PCSK5: variants seen among roughly 807,000 people sequenced by gnomAD.
The protein encoded by PCSK5 is proprotein convertase subtilisin/kexin type 5, also known as prohormone convertase 5.
PCSK5 carries 129 observed loss-of-function variants against 233.2 expected under a neutral mutation model. The observed-to-expected ratio is 0.55, with a 90% confidence interval of 0.48 to 0.64. The LOEUF is 0.64. Among genes scored for constraint, PCSK5 ranks in the 30% least tolerant of loss-of-function variants. The pLI is 0.00. For missense variants in PCSK5, 2,076 were observed against 2,430.1 expected (o/e 0.85, Z 3.06); for synonymous variants, 825 against 879.2 (o/e 0.94, Z 1.09).
chr9:76,060,993 T>TA (rs1266393943), intron 5 of PCSK5, among the ~76,000 whole-genome samples: 41 of 152,262 alleles, frequency 2.7e-4, no homozygotes, highest in African/African-American at 9.1e-4. Context: ...TATTTGAAAG[T>TA]AAAAAATGTG....
chr9:76,300,047 T>A (rs552983868), intron 27 of PCSK5, among the ~76,000 whole-genome samples: 1 of 152,306 alleles, frequency 6.6e-6, no homozygotes, highest in South Asian at 2.1e-4. Context: ...ACATGGTGAA[T>A]TAGCTTTGTG....
chr9:76,015,438 C>T (rs903907319), intron 3 of PCSK5, among the ~76,000 whole-genome samples: 7 of 152,066 alleles, frequency 4.6e-5, no homozygotes, highest in South Asian at 4.2e-4. Context: ...ACCATCACAC[C>T]GTCTCAAGAA....
At chr9:75,918,058 ACTT>A (rs765650879) in intron 1 of PCSK5, among the ~76,000 whole-genome samples, 4 of 152,344 alleles carry the variant, frequency 2.6e-5, no homozygotes, top group South Asian at 4.1e-4. Flanking sequence ...AGGTAACTAT[ACTT>A]CTTCTAATAC....
Position 76,328,255 on chromosome 9 carries a change from G to A in PCSK5, c.4570+16G>A, listed in dbSNP as rs772553562. On this transcript the variant is annotated intron_variant, in intron 33 of 37. Coordinates refer to ENST00000674117, the MANE Select transcript of PCSK5 (RefSeq NM_001372043.1). ...CTTCTTCTCAGTGAGTTACTTCTCCGAGGACAGCTTTGTGTTTCCATCTCT... is the reference window on the plus strand; with the variant it reads ...CTTCTTCTCAGTGAGTTACTTCTCCAAGGACAGCTTTGTGTTTCCATCTCT... The A allele has an allele frequency of 7.7e-6, 12 of 1,566,386 alleles. No individual in the cohort carries two copies. The East Asian group carries it at 9.0e-5, about 12-fold the overall frequency.
chr9:76,050,084 CAT>C (rs1202829627), intron 5 of PCSK5, among the ~76,000 whole-genome samples: 2 of 152,130 alleles, frequency 1.3e-5, no homozygotes, highest in African/African-American at 2.4e-5. Flanking sequence ...TGAATAATCA[CAT>C]TCTTAGCAGG....
At chr9:76,208,847 T>C (rs775286007) in intron 20 of PCSK5, among the ~76,000 whole-genome samples, 4 of 152,210 alleles carry the variant, frequency 2.6e-5, no homozygotes, top group Non-Finnish European at 5.9e-5. Context: ...GTGAATTTAT[T>C]TGAAAATGTT....
In PCSK5 at chr9:76,039,257, G is replaced by T. The variant is rs563802224; in HGVS notation, c.632+12220G>T. Among the ~76,000 whole-genome samples the T allele has an allele frequency of 6.6e-5, 10 of 152,242 alleles. No individual in the cohort carries two copies. The South Asian group carries it at 2.1e-3, about 32-fold the overall frequency. ...TCAATTATAGGATATACTAACACAG[G>T]TTTAATGCATCCCGGTTGAAACAAA... On this transcript the variant is annotated intron_variant, in intron 5 of 37. Coordinates refer to ENST00000674117, the MANE Select transcript of PCSK5 (RefSeq NM_001372043.1).
intron 3 of PCSK5, among the ~76,000 whole-genome samples, chr9:76,012,302 C>A (rs115862246): frequency 0.012 from 1,776 of 152,238 alleles, 40 homozygotes; most frequent in African/African-American, 0.04. Context: ...ATAACTAAAT[C>A]GTACACATCA....
chr9:76,064,411 G>GTC (rs1830185522), intron 5 of PCSK5, among the ~76,000 whole-genome samples: 1 of 125,782 alleles, frequency 8.0e-6, no homozygotes, highest in African/African-American at 3.3e-5. Context: ...GCGGGGGGCT[G>GTC]ACCCCCCCAC....
chr9:76,058,853 G>T (rs1415810434), intron 5 of PCSK5, among the ~76,000 whole-genome samples: 1 of 152,084 alleles, frequency 6.6e-6, no homozygotes, highest in South Asian at 2.1e-4. Context: ...TTCACAAAAT[G>T]AAACTTTTAA....
At chr9:76,133,682 C>T (rs1235761169) in intron 9 of PCSK5, among the ~76,000 whole-genome samples, 1 of 151,950 alleles carries the variant, frequency 6.6e-6, no homozygotes, top group African/African-American at 2.4e-5. Flanking sequence ...TTGCAGCTCA[C>T]TTACCAAACT....
At chr9:75,999,420 C>T (rs1827170029) in intron 3 of PCSK5, among the ~76,000 whole-genome samples, 1 of 152,050 alleles carries the variant, frequency 6.6e-6, no homozygotes, top group Admixed American at 6.5e-5. Context: ...AGAGATTTAC[C>T]CACATATTTA....
At chr9:75,922,435 T>C (rs1282589185) in intron 1 of PCSK5, among the ~76,000 whole-genome samples, 1 of 152,044 alleles carries the variant, frequency 6.6e-6, no homozygotes, top group Middle Eastern at 3.2e-3. Context: ...AGATGGCTTG[T>C]CTAGGGGAAG....
intron 24 of PCSK5, among the ~76,000 whole-genome samples, chr9:76,285,221 TG>T (rs1366905773): frequency 6.6e-6 from 1 of 152,136 alleles, no homozygotes; most frequent in Non-Finnish European, 1.5e-5. Flanking sequence ...GCCCCTAGTT[TG>T]GTAGAGCATA....
chr9:76,150,489 C>A (rs776224746), intron 10 of PCSK5, among the ~76,000 whole-genome samples: 3 of 152,066 alleles, frequency 2.0e-5, no homozygotes, highest in Non-Finnish European at 4.4e-5. Context: ...CAAAATTAGC[C>A]AGGCGTGGTG....
intron 33 of PCSK5, among the ~76,000 whole-genome samples, chr9:76,331,051 T>G (rs568291424): frequency 6.6e-6 from 1 of 152,322 alleles, no homozygotes; most frequent in South Asian, 2.1e-4. Context: ...AGTGCTGGTA[T>G]AGGACACAGA....
chr9:76,298,170 C>G (rs1156256377), intron 27 of PCSK5, among the ~76,000 whole-genome samples: 1 of 152,020 alleles, frequency 6.6e-6, no homozygotes, highest in East Asian at 1.9e-4. Flanking sequence ...TCCAGGGAGC[C>G]AAGAGTTAGA....
chr9:76,349,326 A>G (rs1830061849), intron 35 of PCSK5, among the ~76,000 whole-genome samples: 1 of 152,040 alleles, frequency 6.6e-6, no homozygotes, highest in African/African-American at 2.4e-5. Flanking sequence ...AATGGGAAAA[A>G]GGAAGAATGG....
At chr9:76,066,068 A>G (rs942853587) in intron 5 of PCSK5, among the ~76,000 whole-genome samples, 1 of 152,000 alleles carries the variant, frequency 6.6e-6, no homozygotes, top group Admixed American at 6.6e-5. Context: ...AGTATATTTT[A>G]AAGTCTTCAG....
Sources: gnomAD v4.1 joint callset for allele counts (sites outside exome capture counted in the v4.1 genomes callset) on GRCh38, gnomAD v4.1.1 for gene constraint, MANE v1.5 for transcripts, NCBI Gene and HGNC (gene_info 2026-07-23, HGNC 2026-07-21) for gene names.